PPAT: variants seen among roughly 807,000 people sequenced by gnomAD.
PPAT encodes amidophosphoribosyltransferase.
A neutral mutation model predicts 60.2 loss-of-function variants in PPAT; 20 were observed. The observed-to-expected ratio is 0.33, with a 90% confidence interval of 0.23 to 0.48. The LOEUF (loss-of-function observed/expected upper bound fraction) is 0.48, where lower values mean the gene tolerates loss of function less well. Ranked by LOEUF, PPAT falls within the 20% of genes least tolerant of loss-of-function variation. The pLI, the probability that PPAT is intolerant of heterozygous loss-of-function variation, is 0.99. For missense variants in PPAT, 349 were observed against 629.6 expected, an observed-to-expected ratio of 0.55 and a Z score of 4.77; for synonymous variants, 194 against 215.1, an observed-to-expected ratio of 0.90 and a Z score of 0.86.
intron 1 of PPAT, among the ~76,000 whole-genome samples, chr4:56,418,315 TTTATTTTATTTTATC>T (rs1159828768): frequency 6.6e-6 from 1 of 151,972 alleles, no homozygotes; most frequent in African/African-American, 2.4e-5. Context: ...AAAAACTTAT[TTTATTTTATTTTATC>T]TTATTTTGAG....
At chr4:56,419,578 T>C (rs1716937433) in intron 1 of PPAT, 1 of 642,078 alleles carries the variant, frequency 1.6e-6, no homozygotes, top group Admixed American at 6.3e-5. Context: ...CTGATGTATA[T>C]AATGCATATA....
chr4:56,402,850 G>GAAA (rs1177644230), intron 5 of PPAT, among the ~76,000 whole-genome samples, 190 bp downstream of exon 5: 56 of 41,138 alleles, frequency 1.4e-3, no homozygotes, highest in African/African-American at 4.8e-3. Flanking sequence ...AAAAAAAAAG[G>GAAA]GGGGGGACTC....
chr4:56,411,262 A>G (rs1266627657), intron 1 of PPAT, among the ~76,000 whole-genome samples: 1 of 152,228 alleles, frequency 6.6e-6, no homozygotes, highest in African/African-American at 2.4e-5. Flanking sequence ...AAAAATATCA[A>G]AAACATTGCT....
chr4:56,411,168 A>G (rs547306030), intron 1 of PPAT, among the ~76,000 whole-genome samples: 1 of 152,340 alleles, frequency 6.6e-6, no homozygotes, highest in Non-Finnish European at 1.5e-5. Context: ...GCTAGTGCCA[A>G]CTGCATGTGA....
chr4:56,419,870 C>T (rs2030365), intron 1 of PPAT: 660,136 of 981,546 alleles, frequency 0.67, 222,586 homozygotes, highest in South Asian at 0.77. Flanking sequence ...ACCTAAAACA[C>T]GAATACAAGA....
Position 56,402,850 on chromosome 4 carries a change from G to GAAAAAAA in PPAT, c.661+189_661+190insTTTTTTT, listed in dbSNP as rs1177644230. ...AAAAAAAAAAAAAAAAAAAAAAAAG[G>GAAAAAAA]GGGGGGACTCATCCTCAGGAGTACT... is the stretch of plus-strand genomic sequence containing the variant. On this transcript the variant is annotated intron_variant, in intron 5 of 10. Coordinates refer to ENST00000264220, the MANE Select transcript of PPAT (RefSeq NM_002703.5). 3.4e-4 allele frequency among the ~76,000 whole-genome samples: 14 copies of GAAAAAAA among 41,146 alleles called. 1 individual carries two copies. Among genetic ancestry groups the GAAAAAAA allele is most frequent in the African/African-American group, 1.3e-3 (13 of 10,222 alleles). 27.0% of individuals were successfully genotyped at this position (41,146 alleles called of 152,430 possible). A position where few individuals can be genotyped will look rare whatever the true frequency, so the allele number is the denominator to read the frequency against.
rs142893232 is a variant in PPAT, at chr4:56,407,681, C to G, written c.164G>C (p.Gly55Ala). The G allele has an allele frequency of 2.6e-3, 4,222 of 1,606,236 alleles. 10 individuals are homozygous for G. The highest frequency in any genetic ancestry group is 3.7e-3 in the South Asian group (332 of 90,896). ...TGATTTGAATGTTGGCACCGAACTC[C>G]CATCACTAGTCACAATACCAGCACT... ...QESAGIVTSD[G>A]SSVPTFKSHK... Residue 55 changes from glycine (G) to alanine (A), a missense_variant, in exon 2 of 11, where the codon GGG becomes GCG. Around this residue, in one of 5 missense-constraint regions of PPAT, gnomAD observed 115 missense variants for 174.5 expected, o/e 0.66. Coordinates refer to ENST00000264220, the MANE Select transcript of PPAT (RefSeq NM_002703.5).
intron 9 of PPAT, among the ~76,000 whole-genome samples, chr4:56,398,498 T>TG (rs2110037075): frequency 6.6e-6 from 1 of 152,122 alleles, no homozygotes; most frequent in Admixed American, 6.5e-5. Flanking sequence ...TTTTTGACTT[T>TG]TTTTTTTTTG....
At chr4:56,409,118 C>T (rs928869455) in intron 1 of PPAT, among the ~76,000 whole-genome samples, 7 of 152,098 alleles carry the variant, frequency 4.6e-5, no homozygotes, top group African/African-American at 7.2e-5. Context: ...CGATAGCATG[C>T]GTGATATAAT....
At chr4:56,430,132 C>T (rs1717504856) in intron 1 of PPAT, among the ~76,000 whole-genome samples, 1 of 152,098 alleles carries the variant, frequency 6.6e-6, no homozygotes, top group South Asian at 2.1e-4. Context: ...TATCCCATTA[C>T]TTTTTAAAAT....
At chr4:56,417,835 G>GTTTTTTTTT (rs1207160039) in intron 1 of PPAT, among the ~76,000 whole-genome samples, 31 of 102,580 alleles carry the variant, frequency 3.0e-4, no homozygotes, top group African/African-American at 1.0e-3. Context: ...TGAAGATTTG[G>GTTTTTTTTT]TTTTTTGTTT....
At chr4:56,425,755 G>T (rs1717252087) in intron 1 of PPAT, among the ~76,000 whole-genome samples, 1 of 152,156 alleles carries the variant, frequency 6.6e-6, no homozygotes, top group Admixed American at 6.5e-5. Context: ...CTTTGTGCCA[G>T]TGTGACCTCC....
At position 56,396,695 on chromosome 4, in the gene PPAT, G is replaced by A. The variant is rs932540971; in HGVS notation, c.1281C>T (p.Phe427=). 3.1e-6 allele frequency: 5 copies of A among 1,611,040 alleles called. No individual in the cohort carries two copies. Among genetic ancestry groups the A allele is most frequent in the Non-Finnish European group, 4.2e-6 (5 of 1,177,632 alleles). ...CTTTTGTAGGAATGTTTATTCCCATGAAGCATGGATATTTAATTGGTGGTG... is the reference window on the plus strand; with the variant it reads ...CTTTTGTAGGAATGTTTATTCCCATAAAGCATGGATATTTAATTGGTGGTG... ...VASPPIKYPC[F]MGINIPTKEE... Residue 427 remains phenylalanine (F), a synonymous_variant, in exon 10 of 11, where the codon TTC becomes TTT. Transcript: ENST00000264220. This position sits in a 1 kb window ranked among gnomAD's most constrained non-coding sequence, Gnocchi z 4.6.
In PPAT at chr4:56,407,996, C is replaced by CT. The variant is rs374051856; in HGVS notation, c.129-281dup. On this transcript the variant is annotated intron_variant, in intron 1 of 10. Coordinates refer to ENST00000264220, the MANE Select transcript of PPAT (RefSeq NM_002703.5). The stretch of plus-strand genomic sequence containing the variant: ...GTTGTAAAAATAAATAATTTAAAAG[C>CT]TATTGGAACCCCAAATATACTTTAG... 484 of 318,512 alleles carry CT rather than the reference C, an allele frequency of 1.5e-3. 3 individuals are homozygous for CT. The highest frequency in any genetic ancestry group is 9.3e-3 in the African/African-American group (445 of 48,082). The allele number at this position is 318,512 out of a possible 1,614,324, so 19.7% of individuals were successfully genotyped here.
chr4:56,420,504 C>A (rs1282756804), intron 1 of PPAT: 1 of 152,140 alleles, frequency 6.6e-6, no homozygotes. Flanking sequence ...ATTTGACAAG[C>A]TAGCTGAATT....
In PPAT at chr4:56,435,601, G is replaced by C; in HGVS notation, c.-124C>G. The C allele has an allele frequency of 6.5e-7, 1 of 1,539,132 alleles. No individual in the cohort carries two copies. ...CGCGACAGGCTCTTCCTTCCCGAGG[G>C]TGGCCCCAGCTACTGCGGCGGCGCG... On this transcript the variant is annotated 5_prime_UTR_variant, in exon 1 of 11. Coordinates refer to ENST00000264220, the MANE Select transcript of PPAT (RefSeq NM_002703.5).
Position 56,400,674 on chromosome 4 carries a change from C to T in PPAT, c.1014+110G>A, listed in dbSNP as rs1334795388. 4 of 1,212,824 alleles carry T rather than the reference C, an allele frequency of 3.3e-6. No individual in the cohort carries two copies. The African/African-American group carries it at 4.7e-5, about 14-fold the overall frequency. The allele number at this position is 1,212,824 out of a possible 1,614,324, so 75.1% of individuals were successfully genotyped here. A position where few individuals can be genotyped will look rare whatever the true frequency, so the allele number is the denominator to read the frequency against. The stretch of plus-strand genomic sequence containing the variant: ...TTGTAAACAAACCAACATTAACCAC[C>T]AAAGCTTCCTTTCTCCTTAGAAATG... On this transcript the variant is annotated intron_variant, in intron 8 of 10. Transcript: ENST00000264220.
intron 10 of PPAT, 118 bp from the exon 11 acceptor site, chr4:56,395,666 C>A: frequency 1.5e-6 from 1 of 688,892 alleles, no homozygotes; most frequent in Non-Finnish European, 2.0e-6. Flanking sequence ...TCTCCTTTAG[C>A]CTTTCTTTAA....
chr4:56,394,160 C>T lies in PPAT; in HGVS notation c.*1192G>A, dbSNP rs1315817365. ...CTTAAACTTCTAATCTCAGATGTTACAAGAAAAAACTTCAAAAAAGAAATC... is the reference window on the plus strand; with the variant it reads ...CTTAAACTTCTAATCTCAGATGTTATAAGAAAAAACTTCAAAAAAGAAATC... On this transcript the variant is annotated 3_prime_UTR_variant, in exon 11 of 11. Transcript: ENST00000264220. 6.6e-6 allele frequency: 1 copy of T among 151,870 alleles called. No homozygotes were observed. Among genetic ancestry groups the T allele is most frequent in the African/African-American group, 2.4e-5 (1 of 41,344 alleles). 9.4% of individuals were successfully genotyped at this position (151,870 alleles called of 1,614,324 possible).
Sources: gnomAD v4.1 joint callset for allele counts (sites outside exome capture counted in the v4.1 genomes callset) on GRCh38, gnomAD v4.1.1 for gene constraint, gnomAD v4.1.1 regional missense constraint, Gnocchi (gnomAD v3.1) non-coding constraint, MANE v1.5 for transcripts, NCBI Gene and HGNC (gene_info 2026-07-23, HGNC 2026-07-21) for gene names.